Variants in ASTN2 observed in about 807,000 individuals in gnomAD.
ASTN2 encodes astrotactin 2.
A neutral mutation model predicts 139.8 loss-of-function variants in ASTN2; 54 were observed. The observed-to-expected ratio is 0.39, with a 90% CI of 0.31 to 0.48. ASTN2 has a LOEUF of 0.48. ASTN2 is among the 20% of genes least tolerant of loss of function. The pLI, the probability that ASTN2 is intolerant of heterozygous loss-of-function variation, is 0.95. For synonymous variants in ASTN2, 756 were observed against 719.5 expected (o/e 1.05, Z -0.81); for missense variants, 1,565 against 1,725.1 (o/e 0.91, Z 1.64).
intron 1 of ASTN2, among the ~76,000 whole-genome samples, chr9:117,298,449 C>T (rs1257627556): frequency 2.0e-5 from 3 of 152,120 alleles, no homozygotes; most frequent in African/African-American, 7.2e-5. Context: ...CTCTTCGCTT[C>T]TTCATGCCTC....
chr9:116,648,775 T>G (rs112331679), intron 17 of ASTN2, among the ~76,000 whole-genome samples: 1,699 of 152,316 alleles, frequency 0.011, 30 homozygotes, highest in African/African-American at 0.039. Context: ...GGCTTACACC[T>G]GTAATTCCAG....
intron 13 of ASTN2, among the ~76,000 whole-genome samples, chr9:116,768,596 C>A (rs968738603): frequency 1.3e-5 from 2 of 152,046 alleles, no homozygotes; most frequent in African/African-American, 4.8e-5. Context: ...ATTCTAATGG[C>A]CAAGATCATG....
intron 10 of ASTN2, among the ~76,000 whole-genome samples, chr9:116,865,075 C>T (rs1048987880): frequency 1.3e-5 from 2 of 152,164 alleles, no homozygotes; most frequent in East Asian, 3.9e-4. Flanking sequence ...GCACAGGCCT[C>T]GTCTCATTCC....
chr9:117,310,629 T>A (rs1356375740), intron 1 of ASTN2, among the ~76,000 whole-genome samples: 1 of 152,072 alleles, frequency 6.6e-6, no homozygotes, highest in Non-Finnish European at 1.5e-5. Flanking sequence ...TTGTTGTTGT[T>A]ATTGTTTGTT....
chr9:116,473,139 A>G (rs1848869561), intron 20 of ASTN2, among the ~76,000 whole-genome samples: 1 of 152,166 alleles, frequency 6.6e-6, no homozygotes, highest in Non-Finnish European at 1.5e-5. Flanking sequence ...TAAATGGTAC[A>G]TGATGACAAC....
chr9:116,653,570 A>G (rs907236437), intron 16 of ASTN2, among the ~76,000 whole-genome samples: 7 of 152,236 alleles, frequency 4.6e-5, no homozygotes, highest in Non-Finnish European at 1.0e-4. Flanking sequence ...ACTAAGAGAC[A>G]GAGCTTAATC....
intron 16 of ASTN2, among the ~76,000 whole-genome samples, chr9:116,706,403 C>G (rs773647632): frequency 6.6e-6 from 1 of 152,030 alleles, no homozygotes; most frequent in Admixed American, 6.6e-5. Flanking sequence ...AATGCTTCCA[C>G]CTTTGTGCCT....
intron 1 of ASTN2, among the ~76,000 whole-genome samples, chr9:117,322,771 C>G (rs1423123537): frequency 6.6e-6 from 1 of 152,086 alleles, no homozygotes; most frequent in African/African-American, 2.4e-5. Flanking sequence ...ATGTGTATGC[C>G]TGGGCCCCCA....
In ASTN2 at chr9:116,863,580, TA is replaced by T; in HGVS notation, c.2040+2del. The stretch of plus-strand genomic sequence containing the variant: ...CCATGTTCCCGGGCCAATGGGCACT[TA>T]CCACACATCCCGAGGAATCCACCTG... On this transcript the variant is annotated splice_donor_variant, in intron 11 of 22. Transcript: ENST00000313400. LOFTEE classifies it high-confidence loss of function. 6.2e-7 allele frequency: 1 copy of T among 1,613,946 alleles called. No homozygotes were observed. The highest frequency in any genetic ancestry group is 8.5e-7 in the Non-Finnish European group (1 of 1,179,888).
At chr9:117,032,860 C>T (rs1237323787) in intron 6 of ASTN2, among the ~76,000 whole-genome samples, 2 of 152,132 alleles carry the variant, frequency 1.3e-5, no homozygotes, top group Non-Finnish European at 2.9e-5. Flanking sequence ...ACTCAGATCC[C>T]AAATATCTCA....
intron 16 of ASTN2, among the ~76,000 whole-genome samples, chr9:116,718,293 G>A (rs1371282230): frequency 1.3e-5 from 2 of 152,170 alleles, no homozygotes; most frequent in African/African-American, 4.8e-5. Flanking sequence ...AGGTCAGTAT[G>A]ACAAAACGGC....
intron 22 of ASTN2, among the ~76,000 whole-genome samples, chr9:116,426,387 GTAT>G (rs1434129253): frequency 3.3e-5 from 5 of 152,062 alleles, no homozygotes; most frequent in Non-Finnish European, 7.4e-5. Context: ...GATCAAATAG[GTAT>G]TATTATAATG....
intron 11 of ASTN2, among the ~76,000 whole-genome samples, chr9:116,845,208 G>A (rs931765894): frequency 1.3e-4 from 20 of 152,102 alleles, no homozygotes; most frequent in Admixed American, 3.9e-4. Context: ...TCCACCTCCC[G>A]GGTTCACGCC....
At chr9:117,377,982 C>G (rs1489440285) in intron 1 of ASTN2, among the ~76,000 whole-genome samples, 2 of 152,174 alleles carry the variant, frequency 1.3e-5, no homozygotes, top group East Asian at 3.8e-4. Flanking sequence ...GTGATAGTCT[C>G]TGGGTAGGAA....
intron 16 of ASTN2, among the ~76,000 whole-genome samples, chr9:116,702,319 G>C (rs1827847718): frequency 6.6e-6 from 1 of 151,940 alleles, no homozygotes; most frequent in South Asian, 2.1e-4. Context: ...ACCTGATGGT[G>C]GGAAGTGGTC....
chr9:116,618,521 G>A, intron 18 of ASTN2, 49 bp from the exon 19 acceptor site: 1 of 1,566,758 alleles, frequency 6.4e-7, no homozygotes, highest in East Asian at 2.3e-5. Flanking sequence ...AGCACCAGCT[G>A]GGGCCCAAAA....
intron 12 of ASTN2, among the ~76,000 whole-genome samples, chr9:116,808,109 G>A (rs939447153): frequency 2.6e-5 from 4 of 152,078 alleles, no homozygotes; most frequent in South Asian, 4.1e-4. Flanking sequence ...GTGAGACTTC[G>A]TCTCAAAAAC....
intron 13 of ASTN2, among the ~76,000 whole-genome samples, chr9:116,740,991 A>G (rs1829084967): frequency 6.6e-6 from 1 of 151,922 alleles, no homozygotes; most frequent in African/African-American, 2.4e-5. Flanking sequence ...CTACCTGCAT[A>G]TGACCTCTAA....
chr9:117,041,313 T>C (rs1012106462), intron 5 of ASTN2, among the ~76,000 whole-genome samples: 2 of 152,122 alleles, frequency 1.3e-5, no homozygotes, highest in Non-Finnish European at 2.9e-5. Context: ...CTCCTGGATA[T>C]CTTTCTGTGG....
Sources: gnomAD v4.1 joint callset for allele counts (sites outside exome capture counted in the v4.1 genomes callset) on GRCh38, gnomAD v4.1.1 for gene constraint, MANE v1.5 for transcripts, NCBI Gene and HGNC (gene_info 2026-07-23, HGNC 2026-07-21) for gene names.